Variants in LUC7L2 observed in about 807,000 individuals in gnomAD.
LUC7L2 encodes LUC7 like 2, pre-mRNA splicing factor.
A neutral mutation model predicts 52.8 loss-of-function variants in LUC7L2; 25 were observed. That is an observed-to-expected ratio of 0.47 (90% CI 0.34 to 0.66). LUC7L2 has a LOEUF of 0.66. LUC7L2 is among the 30% of genes least tolerant of loss of function. The probability of loss-of-function intolerance (pLI) is 0.01; values close to 1 mark genes in which losing one functional copy is unlikely to be tolerated. For synonymous variants in LUC7L2, 144 were observed against 160.9 expected (o/e 0.89, Z 0.80); for missense variants, 328 against 497.8 (o/e 0.66, Z 3.25).
chr7:139,373,995 A>AT, intron 1 of LUC7L2, among the ~76,000 whole-genome samples: 1 of 152,288 alleles, frequency 6.6e-6, no homozygotes, highest in South Asian at 2.1e-4. Flanking sequence ...TTAAAATGAA[A>AT]TTTTTTTCTT....
chr7:139,399,074 T>C (rs932012951), intron 3 of LUC7L2, among the ~76,000 whole-genome samples: 14 of 152,170 alleles, frequency 9.2e-5, no homozygotes, highest in African/African-American at 3.1e-4. Context: ...TCTACTTATA[T>C]ATATATATAC....
In LUC7L2 at chr7:139,417,544, G is replaced by C; in HGVS notation, c.816G>C (p.Arg272Ser). 2.5e-6 allele frequency: 4 copies of C among 1,613,624 alleles called. No homozygotes were observed. The highest frequency in any genetic ancestry group is 3.4e-6 in the Non-Finnish European group (4 of 1,179,600). Residue 272 changes from arginine to serine, a missense_variant, in exon 9 of 10, where the codon AGG becomes AGC. Around this residue, in one of 2 missense-constraint regions of LUC7L2, gnomAD observed 195 missense variants for 223.3 expected, o/e 0.87. Transcript: ENST00000354926. Reference protein sequence around the residue: ...RSHSKNPKRSRSREHRRHRSR... With the variant: ...RSHSKNPKRSSSREHRRHRSR... ...ATCAAATCTTGTCTGGTAGATCCAG[G>C]TCCAGAGAGCATCGCAGACATCGAT...
At chr7:139,341,819 C>T (rs1318612062) in intron 1 of LUC7L2, among the ~76,000 whole-genome samples, 1 of 152,106 alleles carries the variant, frequency 6.6e-6, no homozygotes, top group Non-Finnish European at 1.5e-5. Context: ...CTGCGGAGGG[C>T]AGTCAGGAAA....
chr7:139,340,844 T>A (rs76566893), intron 1 of LUC7L2, among the ~76,000 whole-genome samples: 24 of 151,594 alleles, frequency 1.6e-4, no homozygotes, highest in Admixed American at 1.2e-3. Context: ...TTTTTTTTTT[T>A]AAATGGGAAG....
At chr7:139,420,420 C>G (rs1001219715) in intron 9 of LUC7L2, among the ~76,000 whole-genome samples, 1 of 152,182 alleles carries the variant, frequency 6.6e-6, no homozygotes, top group African/African-American at 2.4e-5. Context: ...CCGGGCTGGT[C>G]TCAAACTCCC....
chr7:139,362,899 A>C (rs1799959581), intron 1 of LUC7L2, among the ~76,000 whole-genome samples: 1 of 152,300 alleles, frequency 6.6e-6, no homozygotes, highest in Non-Finnish European at 1.5e-5. Flanking sequence ...TGAATTACAT[A>C]AAGTAGTTAA....
At chr7:139,395,029 T>C (rs1431577928) in intron 2 of LUC7L2, among the ~76,000 whole-genome samples, 1 of 152,178 alleles carries the variant, frequency 6.6e-6, no homozygotes, top group Non-Finnish European at 1.5e-5. Context: ...GTTCCCCAGG[T>C]CTAAGTTGAG....
intron 1 of LUC7L2, among the ~76,000 whole-genome samples, chr7:139,352,828 C>T (rs150231688): frequency 1.3e-5 from 2 of 152,330 alleles, no homozygotes; most frequent in Non-Finnish European, 2.9e-5. Context: ...TAATCCAAGG[C>T]AGTCTGTAAA....
intron 2 of LUC7L2, among the ~76,000 whole-genome samples, chr7:139,385,141 C>T (rs970466698): frequency 5.3e-5 from 8 of 151,884 alleles, no homozygotes; most frequent in East Asian, 1.9e-4. Flanking sequence ...ATGGGTATGG[C>T]GGACTGTAGT....
chr7:139,380,363 G>T (rs1285393891), intron 2 of LUC7L2, among the ~76,000 whole-genome samples: 1 of 151,802 alleles, frequency 6.6e-6, no homozygotes, highest in East Asian at 1.9e-4. Context: ...GGAGGCCGAG[G>T]GGGGATGGGG....
In LUC7L2 at chr7:139,415,077, T is replaced by G. The variant is rs1474968567; in HGVS notation, c.810-2461T>G. ...AAGTTTTTTTTTTTTTTTTTTTTTT[T>G]TTTTTTGTATTTTTAGTAGAGTAGG... On this transcript the variant is annotated intron_variant, in intron 8 of 9. Coordinates refer to ENST00000354926, the MANE Select transcript of LUC7L2 (RefSeq NM_016019.5). Among the ~76,000 whole-genome samples, 5 of 145,486 alleles carry G rather than the reference T, an allele frequency of 3.4e-5. 1 individual carries two copies. Among genetic ancestry groups the G allele is most frequent in the East Asian group, 2.0e-4 (1 of 5,020 alleles).
At chr7:139,411,127 GAATT>G (rs1795343914) in intron 7 of LUC7L2, among the ~76,000 whole-genome samples, 1 of 152,160 alleles carries the variant, frequency 6.6e-6, no homozygotes. Context: ...ACATGGAACA[GAATT>G]TCTTTGCAGG....
upstream of LUC7L2, among the ~76,000 whole-genome samples, chr7:139,357,208 A>G (rs1799631256): frequency 6.6e-6 from 1 of 152,216 alleles, no homozygotes; most frequent in Non-Finnish European, 1.5e-5. Context: ...ATTAAAAATC[A>G]GGCAGGAAAG....
chr7:139,345,375 A>G, intron 1 of LUC7L2: 1 of 1,386,770 alleles, frequency 7.2e-7, no homozygotes, highest in Non-Finnish European at 9.7e-7. Context: ...ACATGTATAT[A>G]CATACATGTC....
At chr7:139,359,422 C>CAGGCCTGCTCCCGGCCGGGAA (rs1425759908), upstream of LUC7L2, 7 of 166,058 alleles carry the variant, frequency 4.2e-5, no homozygotes, top group Non-Finnish European at 6.4e-5. Context: ...GGCGGCGAGA[C>CAGGCCTGCTCCCGGCCGGGAA]AGGCCTGCTC....
chr7:139,366,471 C>T (rs1163866495), intron 1 of LUC7L2, among the ~76,000 whole-genome samples: 2 of 141,944 alleles, frequency 1.4e-5, no homozygotes, highest in Non-Finnish European at 3.0e-5. Flanking sequence ...AGACTTTTCT[C>T]TTAAAGTAAC....
intron 2 of LUC7L2, among the ~76,000 whole-genome samples, chr7:139,389,696 TATATC>T (rs1468243102): frequency 3.3e-5 from 5 of 152,198 alleles, no homozygotes; most frequent in African/African-American, 9.7e-5. Flanking sequence ...AATATAATAT[TATATC>T]ATATTATGTA....
chr7:139,378,119 T>G (rs371114076), intron 2 of LUC7L2, among the ~76,000 whole-genome samples: 14 of 152,106 alleles, frequency 9.2e-5, no homozygotes, highest in African/African-American at 3.1e-4. Context: ...CACCTGGCCA[T>G]AATAAACTCC....
Position 139,422,455 on chromosome 7 carries a change from C to CT in LUC7L2, c.*116dup, listed in dbSNP as rs763537513. 3.4e-6 allele frequency: 5 copies of CT among 1,469,888 alleles called. No individual in the cohort carries two copies. Among genetic ancestry groups the CT allele is most frequent in the Non-Finnish European group, 4.5e-6 (5 of 1,112,532 alleles). The allele number at this position is 1,469,888 out of a possible 1,614,324, so 91.1% of individuals were successfully genotyped here. ...GATCCAGACACCAGATCCAGCTAGG[C>CT]TAGATGTACAGTATCTAACTTGATC... On this transcript the variant is annotated 3_prime_UTR_variant, in exon 10 of 10. Coordinates refer to ENST00000354926, the MANE Select transcript of LUC7L2 (RefSeq NM_016019.5).
Sources: gnomAD v4.1 joint callset for allele counts (sites outside exome capture counted in the v4.1 genomes callset) on GRCh38, gnomAD v4.1.1 for gene constraint, gnomAD v4.1.1 regional missense constraint, MANE v1.5 for transcripts, NCBI Gene and HGNC (gene_info 2026-07-23, HGNC 2026-07-21) for gene names.